NUMA1: variants seen among roughly 807,000 people sequenced by gnomAD.
NUMA1 encodes SP-H antigen.
Under a neutral mutation model 237.1 loss-of-function variants are expected in NUMA1, and 62 were observed. The observed-to-expected ratio is 0.26, with a 90% CI of 0.21 to 0.32. NUMA1 has a LOEUF of 0.32. Ranked by LOEUF, NUMA1 falls within the 10% of genes least tolerant of loss-of-function variation. The probability of loss-of-function intolerance (pLI) is 1.00; values close to 1 mark genes in which losing one functional copy is unlikely to be tolerated. For missense variants in NUMA1, 2,533 were observed against 2,666.5 expected, an observed-to-expected ratio of 0.95 and a Z score of 1.10; for synonymous variants, 1,028 against 1,066.1, an observed-to-expected ratio of 0.96 and a Z score of 0.70.
chr11:72,017,489 T>G, intron 13 of NUMA1, 198 bp downstream of exon 13: 1 of 583,654 alleles, frequency 1.7e-6, no homozygotes, highest in Non-Finnish European at 3.0e-6. Flanking sequence ...GTGAGGGCAT[T>G]GACTGGGGAA....
In NUMA1 at chr11:72,021,198, A is replaced by C; in HGVS notation, c.460+6T>G. ...AGGGGATTCTCAGGAGTGTGTACCT[A>C]CTTACCTTTCTGTAGGAAGTTCTCT... is the stretch of plus-strand genomic sequence containing the variant. On this transcript the variant is annotated splice_donor_region_variant and intron_variant, in intron 8 of 26. Transcript: ENST00000393695. 1 of 1,608,170 alleles carries C rather than the reference A, an allele frequency of 6.2e-7. No individual in the cohort carries two copies. Among genetic ancestry groups the C allele is most frequent in the Non-Finnish European group, 8.5e-7 (1 of 1,174,608 alleles).
chr11:72,008,201 C>G (rs1955878368), intron 20 of NUMA1: 2 of 465,112 alleles, frequency 4.3e-6, no homozygotes, highest in Non-Finnish European at 8.6e-6. Context: ...CCAGTCTTAA[C>G]TTCTATACTA....
chr11:72,008,661 A>AC, intron 20 of NUMA1, 27 bp downstream of exon 20: 1 of 1,612,714 alleles, frequency 6.2e-7, no homozygotes, highest in Non-Finnish European at 8.5e-7. Flanking sequence ...CCATAAACAG[A>AC]CATAGGGAGG....
chr11:72,004,338 T>TA lies in NUMA1; in HGVS notation c.6009dup (p.Lys2004Ter). 1.2e-6 allele frequency: 2 copies of TA among 1,612,172 alleles called. No individual in the cohort carries two copies. Among genetic ancestry groups the TA allele is most frequent in the Non-Finnish European group, 1.7e-6 (2 of 1,179,386 alleles). ...CGTGGGAAACAGCTGGTGGCCTTCT[T>TA]AGACTATGGAGAAGAGGACAGTTAG... On this transcript the variant is annotated frameshift_variant, in exon 25 of 27. Coordinates refer to ENST00000393695, the MANE Select transcript of NUMA1 (RefSeq NM_006185.4). LOFTEE classifies it high-confidence loss of function.
intron 2 of NUMA1, among the ~76,000 whole-genome samples, chr11:72,050,100 C>A (rs555922146): frequency 5.9e-5 from 9 of 152,110 alleles, no homozygotes; most frequent in Non-Finnish European, 1.0e-4. Flanking sequence ...ACTGGTAGTA[C>A]CAACTTAGCA....
chr11:72,040,062 C>T (rs1276871616), intron 2 of NUMA1, among the ~76,000 whole-genome samples: 1 of 152,196 alleles, frequency 6.6e-6, no homozygotes, highest in Admixed American at 6.5e-5. Flanking sequence ...AGACGCCATA[C>T]AGAGAAAAAC....
In NUMA1 at chr11:72,006,184, A is replaced by G. The variant is rs906146486; in HGVS notation, c.5543T>C (p.Leu1848Pro). 1.2e-6 allele frequency: 2 copies of G among 1,614,148 alleles called. No homozygotes were observed. Among genetic ancestry groups the G allele is most frequent in the Non-Finnish European group, 1.7e-6 (2 of 1,180,026 alleles). The change falls in exon 22 of 27, where the codon CTG becomes CCG. Residue 1848 changes from leucine (L) to proline (P), a missense_variant. Physicochemically the swap from Leu to Pro is moderately conservative, Grantham distance 98. Transcript: ENST00000393695. ...TRSAPASQAS[L>P]RATSSTQSLA... ...AGACTGAGTAGAGGAGGTGGCTCGC[A>G]GGCTAGCCTGGGAAGCAGGAGCAGA...
At chr11:72,016,685 G>A in intron 13 of NUMA1, 155 bp from the exon 14 acceptor site, 1 of 823,888 alleles carries the variant, frequency 1.2e-6, no homozygotes, top group Non-Finnish European at 1.9e-6. Context: ...CCATGGAACT[G>A]GGAGCATGAG....
At position 72,079,527 on chromosome 11, in the gene NUMA1, G is replaced by C. The variant is rs558064366; in HGVS notation, c.-103+931C>G. On this transcript the variant is annotated intron_variant, in intron 1 of 26. Transcript: ENST00000393695. ...TGCACTCCGGCCTGGGCGATAGGGC[G>C]AGACTCCGTCTCAAAAAAAAAAAAA... Among the ~76,000 whole-genome samples the C allele has an allele frequency of 8.0e-5, 12 of 150,900 alleles. No individual in the cohort carries two copies. The South Asian group carries it at 2.5e-3, about 32-fold the overall frequency.
chr11:72,035,217 G>C (rs1940862975), intron 3 of NUMA1, among the ~76,000 whole-genome samples: 1 of 152,100 alleles, frequency 6.6e-6, no homozygotes, highest in East Asian at 1.9e-4. Context: ...GTCTCTGGTA[G>C]AAAATGTATG....
intron 2 of NUMA1, chr11:72,066,300 A>AG (rs1251196450): frequency 6.6e-6 from 1 of 151,784 alleles, no homozygotes; most frequent in Non-Finnish European, 1.5e-5. Context: ...ACTCTGCTCA[A>AG]GAAAAAAAAA....
In NUMA1 at chr11:72,014,656, G is replaced by A. The variant is rs771495481; in HGVS notation, c.2847C>T (p.Pro949=). The change falls in exon 15 of 27, where the codon CCC becomes CCT. Residue 949 remains proline (P), a synonymous_variant. Coordinates refer to ENST00000393695, the MANE Select transcript of NUMA1 (RefSeq NM_006185.4). This position sits in a 1 kb window ranked among gnomAD's most constrained non-coding sequence, Gnocchi z 4.6. ...GTCCCTGTTGCTCTTCCAGCCACTC[G>A]GGCTGTCTGTCTCCTGCCCTCGCAG... ...KEPARAGDRQ[P]EWLEEQQGRQ... 1.1e-5 allele frequency: 17 copies of A among 1,612,544 alleles called. No individual in the cohort carries two copies. The highest frequency in any genetic ancestry group is 5.0e-5 in the Admixed American group (3 of 60,028).
chr11:72,010,539 A>G (rs1956079146), intron 17 of NUMA1, among the ~76,000 whole-genome samples: 1 of 152,258 alleles, frequency 6.6e-6, no homozygotes, highest in Non-Finnish European at 1.5e-5. Context: ...ATAAATTTCA[A>G]TAACCACACG....
chr11:72,021,420 C>G, intron 7 of NUMA1, 129 bp from the exon 8 acceptor site: 1 of 773,766 alleles, frequency 1.3e-6, no homozygotes. Flanking sequence ...GGATCCCATT[C>G]TCCCTCTCAG....
chr11:72,059,958 A>G (rs919028734), intron 2 of NUMA1, among the ~76,000 whole-genome samples: 1 of 152,108 alleles, frequency 6.6e-6, no homozygotes, highest in Non-Finnish European at 1.5e-5. Flanking sequence ...TCTTATTTCC[A>G]GAAAAGTTAA....
chr11:72,063,922 C>CAA (rs35238614), intron 2 of NUMA1, among the ~76,000 whole-genome samples: 13 of 52,526 alleles, frequency 2.5e-4, no homozygotes, highest in African/African-American at 8.5e-4. Flanking sequence ...GATCTTGTGT[C>CAA]AAAAAAAAAA....
chr11:72,013,603 C>G lies in NUMA1; in HGVS notation c.3900G>C (p.Glu1300Asp), dbSNP rs760800362. ...CTGAAGCCACCCGCTGTTTCTCAGC[C>G]TCCTCCCGGAGGCTCTGCACCTCCT... ...LREEVQSLRE[E>D]AEKQRVASEN... is the part of the protein sequence containing the mutation. The change falls in exon 15 of 27, where the codon GAG becomes GAC. Residue 1300 changes from glutamate to aspartate, a missense_variant. Transcript: ENST00000393695. This position sits in a 1 kb window ranked among gnomAD's most constrained non-coding sequence, Gnocchi z 6.8. 1 of 1,611,904 alleles carries G rather than the reference C, an allele frequency of 6.2e-7. No homozygotes were observed. Among genetic ancestry groups the G allele is most frequent in the Non-Finnish European group, 8.5e-7 (1 of 1,179,974 alleles).
rs758191781 is a variant in NUMA1, at chr11:72,023,163, C to T, written c.209-16G>A. The stretch of plus-strand genomic sequence containing the variant: ...TTTCGATTTTCTGCAATGACAACAA[C>T]GTAGAAAACAGGGTGAACTTCCTGG... On this transcript the variant is annotated splice_polypyrimidine_tract_variant and intron_variant, in intron 5 of 26. Transcript: ENST00000393695. 115 of 1,590,164 alleles carry T rather than the reference C, an allele frequency of 7.2e-5. No individual in the cohort carries two copies. The highest frequency in any genetic ancestry group is 1.3e-4 in the East Asian group (6 of 44,784).
chr11:72,011,873 C>T (rs1041264244), intron 16 of NUMA1, among the ~76,000 whole-genome samples: 2 of 152,108 alleles, frequency 1.3e-5, no homozygotes, highest in South Asian at 2.1e-4. Flanking sequence ...CTATGCTGTG[C>T]TCGGGGTTAG....
Sources: allele counts gnomAD v4.1 joint callset (sites outside exome capture counted in the v4.1 genomes callset), GRCh38; gene constraint gnomAD v4.1.1; non-coding constraint Gnocchi (gnomAD v3.1); transcripts MANE v1.5; gene names NCBI Gene and HGNC (gene_info 2026-07-23, HGNC 2026-07-21).